Variants in BCR observed in about 807,000 individuals in gnomAD.
The protein encoded by BCR is breakpoint cluster region protein.
Under a neutral mutation model 138.6 loss-of-function variants are expected in BCR, and 58 were observed. The observed-to-expected ratio is 0.42, with a 90% confidence interval of 0.34 to 0.52. The LOEUF (loss-of-function observed/expected upper bound fraction) is 0.52. Among genes scored for constraint, BCR ranks in the 20% least tolerant of loss-of-function variants. The pLI, the probability that BCR is intolerant of heterozygous loss-of-function variation, is 0.06. For synonymous variants in BCR, 786 were observed against 730.1 expected, an observed-to-expected ratio of 1.08 and a Z score of -1.23; for missense variants, 1,599 against 1,727.2, an observed-to-expected ratio of 0.93 and a Z score of 1.32.
chr22:23,197,395 A>C (rs2072497173), intron 1 of BCR, among the ~76,000 whole-genome samples: 1 of 152,224 alleles, frequency 6.6e-6, no homozygotes, highest in Non-Finnish European at 1.5e-5. Flanking sequence ...TTATCTAATA[A>C]AATATAAATG....
intron 8 of BCR, among the ~76,000 whole-genome samples, chr22:23,277,660 G>A (rs1472404999): frequency 6.6e-6 from 1 of 152,156 alleles, no homozygotes; most frequent in Non-Finnish European, 1.5e-5. Context: ...CTGGGAGGTG[G>A]CCCATTGCTA....
At chr22:23,219,647 G>A (rs1021092027) in intron 1 of BCR, among the ~76,000 whole-genome samples, 2 of 152,316 alleles carry the variant, frequency 1.3e-5, no homozygotes, top group South Asian at 2.1e-4. Flanking sequence ...CTGGCGGTGC[G>A]GGAGCACAGC....
chr22:23,229,156 C>T (rs1452334182), intron 1 of BCR, among the ~76,000 whole-genome samples: 1 of 152,170 alleles, frequency 6.6e-6, no homozygotes, highest in East Asian at 1.9e-4. Context: ...TGAACCCCTC[C>T]AGGTAATTGT....
intron 1 of BCR, among the ~76,000 whole-genome samples, chr22:23,190,396 G>T (rs1226319892): frequency 3.9e-5 from 6 of 152,024 alleles, no homozygotes; most frequent in Non-Finnish European, 1.5e-5. Context: ...TCGAACTTCT[G>T]ACCTTAGGTG....
chr22:23,312,732 C>T (rs1470248543), intron 19 of BCR, 155 bp from the exon 20 acceptor site: 15 of 625,992 alleles, frequency 2.4e-5, no homozygotes, highest in Non-Finnish European at 4.0e-5. Context: ...GAACCATGCA[C>T]AGCTCTTGGG....
intron 1 of BCR, among the ~76,000 whole-genome samples, chr22:23,203,054 C>T (rs1334271217): frequency 1.3e-5 from 2 of 151,194 alleles, no homozygotes; most frequent in Non-Finnish European, 2.9e-5. Context: ...GAGACAGGGT[C>T]TTGCTGTGTT....
intron 4 of BCR, chr22:23,263,611 G>A (rs1000629102): frequency 1.3e-5 from 20 of 1,520,252 alleles, no homozygotes; most frequent in Middle Eastern, 1.7e-4. Flanking sequence ...TGATGAGGAC[G>A]TTTGCCACTT....
intron 14 of BCR, 52 bp from the exon 15 acceptor site, chr22:23,292,489 G>A (rs1602112405): frequency 1.6e-6 from 2 of 1,279,962 alleles, no homozygotes; most frequent in East Asian, 2.3e-5. Context: ...CAGACCATGT[G>A]GGTGATGTGG....
intron 1 of BCR, chr22:23,198,277 C>T (rs762980908): frequency 1.3e-5 from 6 of 447,030 alleles, no homozygotes; most frequent in Middle Eastern, 3.5e-4. Context: ...TGTCCACCGT[C>T]GGCCTGCTCT....
intron 1 of BCR, among the ~76,000 whole-genome samples, chr22:23,232,967 G>A (rs1424381268): frequency 1.3e-5 from 2 of 152,200 alleles, no homozygotes; most frequent in South Asian, 2.1e-4. Flanking sequence ...ATTTTTCTGC[G>A]AGGTGGGGGA....
chr22:23,262,323 G>C (rs2073370636), intron 4 of BCR, among the ~76,000 whole-genome samples: 2 of 152,234 alleles, frequency 1.3e-5, no homozygotes, highest in South Asian at 4.2e-4. Flanking sequence ...CCCCTTGGCT[G>C]GTGCTGGGGG....
At chr22:23,255,041 T>TA (rs1315561771) in intron 2 of BCR, among the ~76,000 whole-genome samples, 2 of 152,006 alleles carry the variant, frequency 1.3e-5, no homozygotes, top group African/African-American at 2.4e-5. Context: ...AAAATAATAA[T>TA]AAAAAAATAA....
chr22:23,275,703 T>C (rs2073567641), intron 8 of BCR, among the ~76,000 whole-genome samples: 1 of 152,216 alleles, frequency 6.6e-6, no homozygotes, highest in African/African-American at 2.4e-5. Context: ...TCTAAGTGGA[T>C]GTTGGATTTG....
intron 1 of BCR, among the ~76,000 whole-genome samples, chr22:23,248,765 C>T (rs1174542189): frequency 6.6e-6 from 1 of 152,150 alleles, no homozygotes; most frequent in South Asian, 2.1e-4. Flanking sequence ...TTCCATGCCC[C>T]CACCTTCTAC....
intron 1 of BCR, among the ~76,000 whole-genome samples, chr22:23,241,857 C>G (rs2073096443): frequency 6.6e-6 from 1 of 152,132 alleles, no homozygotes; most frequent in Non-Finnish European, 1.5e-5. Flanking sequence ...CCCTCTTGTT[C>G]CAGACCCAGA....
chr22:23,272,755 C>G (rs551570035), intron 6 of BCR, among the ~76,000 whole-genome samples: 6 of 152,168 alleles, frequency 3.9e-5, no homozygotes, highest in African/African-American at 1.4e-4. Flanking sequence ...GAATTGGGGC[C>G]CACCCCAGCC....
At position 23,220,278 on chromosome 22, in the gene BCR, T is replaced by C. The variant is rs117298171; in HGVS notation, c.1280-33521T>C. ...GAAGTTTCACCTACCGTCCATGGGA[T>C]TTTGACCCTGCTGTAGTGACAGCTG... On this transcript the variant is annotated intron_variant, in intron 1 of 22. Coordinates refer to ENST00000305877, the MANE Select transcript of BCR (RefSeq NM_004327.4). Among the ~76,000 whole-genome samples, 45 of 152,290 alleles carry C rather than the reference T, an allele frequency of 3.0e-4. 1 individual carries two copies. The East Asian group carries it at 7.5e-3, about 25-fold the overall frequency.
At chr22:23,209,215 C>T (rs1056518290) in intron 1 of BCR, among the ~76,000 whole-genome samples, 40 of 151,936 alleles carry the variant, frequency 2.6e-4, no homozygotes, top group Non-Finnish European at 2.5e-4. Flanking sequence ...AAAAAATGAA[C>T]CGGGTGTGGT....
chr22:23,315,402 C>A, intron 22 of BCR, 31 bp from the exon 23 acceptor site: 1 of 1,605,752 alleles, frequency 6.2e-7, no homozygotes, highest in Non-Finnish European at 8.5e-7. Context: ...CGCTCTGAGC[C>A]ACTCTTCTCT....
Sources: gnomAD v4.1 joint callset for allele counts (sites outside exome capture counted in the v4.1 genomes callset) on GRCh38, gnomAD v4.1.1 for gene constraint, MANE v1.5 for transcripts, NCBI Gene and HGNC (gene_info 2026-07-23, HGNC 2026-07-21) for gene names.